The following CMC1 variants were observed in gnomAD, a reference collection of about 807,000 sequenced individuals.
CMC1 encodes C-X9-C motif containing 1.
CMC1 carries 14 observed loss-of-function variants against 14.1 expected under a neutral mutation model. The observed-to-expected ratio is 0.99, with a 90% CI of 0.66 to 1.55. The LOEUF (loss-of-function observed/expected upper bound fraction) is 1.55. Ranked by LOEUF, CMC1 falls within the 40% of genes most tolerant of loss-of-function variation. The pLI, the probability that CMC1 is intolerant of heterozygous loss-of-function variation, is 0.00. For synonymous variants in CMC1, 50 were observed against 38.4 expected (o/e 1.30, Z -1.12); for missense variants, 127 against 123.8 (o/e 1.03, Z -0.12).
chr3:28,293,282 T>C (rs1701571937), intron 2 of CMC1, among the ~76,000 whole-genome samples: 1 of 152,028 alleles, frequency 6.6e-6, no homozygotes, highest in Non-Finnish European at 1.5e-5. Context: ...AAGCTTTCCA[T>C]TTGATTAAGC....
At chr3:28,245,587 A>G (rs1213696589) in intron 1 of CMC1, among the ~76,000 whole-genome samples, 1 of 151,970 alleles carries the variant, frequency 6.6e-6, no homozygotes, top group Non-Finnish European at 1.5e-5. Flanking sequence ...GTGTCCTTCT[A>G]TTGCTGTTTT....
chr3:28,249,222 C>T (rs1699001982), intron 1 of CMC1, among the ~76,000 whole-genome samples: 1 of 152,172 alleles, frequency 6.6e-6, no homozygotes, highest in African/African-American at 2.4e-5. Flanking sequence ...TGTTAATTAC[C>T]TAAACATGAC....
chr3:28,280,859 T>C (rs1017732017), intron 2 of CMC1, among the ~76,000 whole-genome samples: 2 of 152,228 alleles, frequency 1.3e-5, no homozygotes, highest in Non-Finnish European at 2.9e-5. Flanking sequence ...TATTCAACAG[T>C]TGGCAAACTG....
chr3:28,249,732 G>A (rs371417264), intron 1 of CMC1, among the ~76,000 whole-genome samples: 8 of 152,234 alleles, frequency 5.3e-5, no homozygotes, highest in African/African-American at 1.7e-4. Context: ...AGTCTACTCA[G>A]GCTGCCATAA....
At chr3:28,271,584 A>G (rs915517500) in intron 2 of CMC1, among the ~76,000 whole-genome samples, 3 of 152,202 alleles carry the variant, frequency 2.0e-5, no homozygotes, top group Non-Finnish European at 4.4e-5. Flanking sequence ...TACCAGAACC[A>G]TGCTGTTTTG....
At chr3:28,312,908 G>A (rs540191463) in intron 2 of CMC1, among the ~76,000 whole-genome samples, 130 of 152,122 alleles carry the variant, frequency 8.5e-4, no homozygotes, top group African/African-American at 3.0e-3. Flanking sequence ...CCAGGCTGGA[G>A]TGCAGTGGCA....
At chr3:28,275,186 G>A (rs1435686802) in intron 2 of CMC1, among the ~76,000 whole-genome samples, 2 of 151,910 alleles carry the variant, frequency 1.3e-5, no homozygotes, top group Non-Finnish European at 1.5e-5. Context: ...GGGTTTTTGA[G>A]TTTTCTGTGT....
intron 1 of CMC1, among the ~76,000 whole-genome samples, chr3:28,255,753 A>ACACACACG (rs1373697140): frequency 3.3e-5 from 5 of 150,966 alleles, no homozygotes; most frequent in African/African-American, 4.9e-5. Flanking sequence ...ACACACACAC[A>ACACACACG]CGCGACAGAG....
At chr3:28,270,555 GAA>G (rs1297393511) in intron 2 of CMC1, among the ~76,000 whole-genome samples, 2 of 151,856 alleles carry the variant, frequency 1.3e-5, no homozygotes, top group Non-Finnish European at 2.9e-5. Context: ...TAAAGGTCTT[GAA>G]AAGTGTCTGT....
At chr3:28,309,854 C>T (rs2125597133) in intron 2 of CMC1, among the ~76,000 whole-genome samples, 1 of 129,256 alleles carries the variant, frequency 7.7e-6, no homozygotes, top group East Asian at 2.0e-4. Flanking sequence ...CACACACACA[C>T]ACACACAAGC....
intron 2 of CMC1, among the ~76,000 whole-genome samples, chr3:28,300,040 A>G (rs540443616): frequency 1.3e-5 from 2 of 152,312 alleles, no homozygotes; most frequent in African/African-American, 2.4e-5. Context: ...TATGGATACT[A>G]TACTTATTAA....
chr3:28,283,523 G>GCAACAA (rs772181418), intron 2 of CMC1, among the ~76,000 whole-genome samples: 1 of 118,418 alleles, frequency 8.4e-6, no homozygotes, highest in African/African-American at 3.3e-5. Flanking sequence ...CATCTCAACA[G>GCAACAA]CAACAACAAC....
chr3:28,298,551 G>T (rs914322598), intron 2 of CMC1, among the ~76,000 whole-genome samples: 1 of 150,752 alleles, frequency 6.6e-6, no homozygotes, highest in African/African-American at 2.4e-5. Context: ...TTCTAATAAA[G>T]TGTACATTTA....
chr3:28,291,591 AAT>A (rs1701472591), intron 2 of CMC1, among the ~76,000 whole-genome samples: 1 of 152,186 alleles, frequency 6.6e-6, no homozygotes, highest in Non-Finnish European at 1.5e-5. Context: ...ATTAAGTTCT[AAT>A]AGAGTGTGAC....
At chr3:28,298,135 T>C (rs1162672140) in intron 2 of CMC1, 5 of 151,556 alleles carry the variant, frequency 3.3e-5, no homozygotes, top group East Asian at 1.9e-4. Flanking sequence ...ACTCTACCTG[T>C]AGAGTAGAGT....
chr3:28,281,013 A>T (rs1043730246), intron 2 of CMC1, among the ~76,000 whole-genome samples: 9 of 152,232 alleles, frequency 5.9e-5, no homozygotes, highest in African/African-American at 2.2e-4. Flanking sequence ...CAGAGACCAT[A>T]TGGCCTACAA....
Position 28,294,159 on chromosome 3 carries a change from G to A in CMC1, c.110-22174G>A, listed in dbSNP as rs75007010. ...ATCATCTGTTCTACTATAACTTCAT[G>A]TATGCCTATTAATGATACATAACTG... is the stretch of plus-strand genomic sequence containing the variant. On this transcript the variant is annotated intron_variant, in intron 2 of 3. Coordinates refer to ENST00000466830, the MANE Select transcript of CMC1 (RefSeq NM_182523.2). Among the ~76,000 whole-genome samples, 217 of 152,186 alleles carry A rather than the reference G, an allele frequency of 1.4e-3. 5 individuals are homozygous for A. The East Asian group carries it at 0.037, about 26-fold the overall frequency.
intron 2 of CMC1, among the ~76,000 whole-genome samples, chr3:28,280,012 T>G (rs1700797788): frequency 6.6e-6 from 1 of 152,194 alleles, no homozygotes; most frequent in African/African-American, 2.4e-5. Context: ...ATAGCCCAGA[T>G]TCGTCTCAAA....
chr3:28,323,907 T>C lies in CMC1; in HGVS notation c.*4278T>C. On this transcript the variant is annotated 3_prime_UTR_variant, in exon 4 of 4. Transcript: ENST00000466830. ...TGTTGGTTTTTGTACTATTGTACAG[T>C]GTGTTCAAATATAGATACTGAAGAC... 2.1e-6 allele frequency: 2 copies of C among 966,422 alleles called. No homozygotes were observed. Among genetic ancestry groups the C allele is most frequent in the East Asian group, 2.6e-5 (1 of 38,858 alleles). The allele number at this position is 966,422 out of a possible 1,614,324, so 59.9% of individuals were successfully genotyped here. A position where few individuals can be genotyped will look rare whatever the true frequency, so the allele number is the denominator to read the frequency against.
Sources: allele counts gnomAD v4.1 joint callset (sites outside exome capture counted in the v4.1 genomes callset), GRCh38; gene constraint gnomAD v4.1.1; transcripts MANE v1.5; gene names NCBI Gene and HGNC (gene_info 2026-07-23, HGNC 2026-07-21).